URB2: variants seen among roughly 807,000 people sequenced by gnomAD.
URB2 encodes unhealthy ribosome biogenesis protein 2 homolog.
A neutral mutation model predicts 120.9 loss-of-function variants in URB2; 86 were observed. The observed-to-expected ratio is 0.71, with a 90% CI of 0.60 to 0.85. The LOEUF (loss-of-function observed/expected upper bound fraction) is 0.85. URB2 is among the 40% of genes least tolerant of loss of function. The probability of loss-of-function intolerance (pLI) is 0.00; values close to 1 mark genes in which losing one functional copy is unlikely to be tolerated. For synonymous variants in URB2, 755 were observed against 758.4 expected (o/e 1.00, Z 0.07); for missense variants, 1,765 against 1,836.5 (o/e 0.96, Z 0.71).
At position 229,637,371 on chromosome 1, in the gene URB2, G is replaced by C. The variant is rs372919968; in HGVS notation, c.2758G>C (p.Val920Leu). 1.2e-6 allele frequency: 2 copies of C among 1,614,132 alleles called. No individual in the cohort carries two copies. The highest frequency in any genetic ancestry group is 2.7e-5 in the African/African-American group (2 of 75,026). The change falls in exon 4 of 10, where the codon GTG becomes CTG. Residue 920 changes from valine (V) to leucine (L), a missense_variant. Coordinates refer to ENST00000258243, the MANE Select transcript of URB2 (RefSeq NM_014777.4). ...ACCCTATCATGTGCATTATTTTCTTGTGTTACTGTCCATGGCCGTCACCAA... is the reference window on the plus strand; with the variant it reads ...ACCCTATCATGTGCATTATTTTCTTCTGTTACTGTCCATGGCCGTCACCAA... Reference protein sequence around the residue: ...LPPYHVHYFLVLLSMAVTKLG... With the variant: ...LPPYHVHYFLLLLSMAVTKLG...
chr1:229,627,670 A>AAAGCTT lies in URB2; in HGVS notation c.39_40insGCTTAA (p.Lys13_Ser14insAlaTer). On this transcript the variant is annotated stop_gained and inframe_insertion, in exon 2 of 10. Coordinates refer to ENST00000258243, the MANE Select transcript of URB2 (RefSeq NM_014777.4). LOFTEE classifies it high-confidence loss of function. ...TTATTCTGGCATTTCCCTTAAGCTT[A>AAAGCTT]AAAGCAAGACAACTTCCTGGGAAGA... The AAAGCTT allele has an allele frequency of 6.2e-7, 1 of 1,613,782 alleles. No homozygotes were observed. Among genetic ancestry groups the AAAGCTT allele is most frequent in the African/African-American group, 1.3e-5 (1 of 75,028 alleles).
In URB2 at chr1:229,635,702, A is replaced by G. The variant is rs151222612; in HGVS notation, c.1089A>G (p.Leu363=). ...WTTELLVVEQ[L]LNSVANNNIY... ...CAGAGCTTTTGGTTGTGGAACAGCT[A>G]CTAAACTCAGTGGCCAACAACAATA... Residue 363 remains leucine (L), a synonymous_variant, in exon 4 of 10, where the codon CTA becomes CTG. Transcript: ENST00000258243. The G allele has an allele frequency of 7.9e-5, 127 of 1,614,078 alleles. 1 individual carries two copies. The South Asian group carries it at 9.2e-4, about 12-fold the overall frequency.
intron 3 of URB2, among the ~76,000 whole-genome samples, chr1:229,634,447 C>T (rs865977051): frequency 2.0e-4 from 31 of 152,128 alleles, no homozygotes; most frequent in Admixed American, 1.8e-3. Flanking sequence ...TCAAGTGATC[C>T]GCCTGCCTCG....
chr1:229,637,590 G>T lies in URB2; in HGVS notation c.2977G>T (p.Ala993Ser). 1.9e-6 allele frequency: 3 copies of T among 1,614,132 alleles called. No individual in the cohort carries two copies. Among genetic ancestry groups the T allele is most frequent in the South Asian group, 1.1e-5 (1 of 91,080 alleles). Residue 993 changes from alanine (A) to serine (S), a missense_variant, in exon 4 of 10, where the codon GCT (alanine) becomes TCT (serine). Ala to Ser is a moderately conservative substitution (Grantham distance 99). Coordinates refer to ENST00000258243, the MANE Select transcript of URB2 (RefSeq NM_014777.4). ...SRFLIEMDDP[A>S]WLEFLQVIGT... The stretch of plus-strand genomic sequence containing the variant: ...GTTCCTTATTGAGATGGATGATCCC[G>T]CTTGGCTGGAATTCCTCCAAGTGAT...
At chr1:229,642,539 C>A (rs1227493934) in intron 4 of URB2, among the ~76,000 whole-genome samples, 3 of 152,152 alleles carry the variant, frequency 2.0e-5, no homozygotes, top group Non-Finnish European at 4.4e-5. Flanking sequence ...GAAAGATGAC[C>A]TGGGGCCAGA....
chr1:229,638,353 AC>A, intron 4 of URB2, 106 bp downstream of exon 4: 1 of 1,321,132 alleles, frequency 7.6e-7, no homozygotes. Context: ...TTCAAAAGGT[AC>A]CACATGTGCG....
Position 229,636,998 on chromosome 1 carries a change from C to T in URB2, c.2385C>T (p.Phe795=), listed in dbSNP as rs770670297. Residue 795 remains phenylalanine (F), a synonymous_variant, in exon 4 of 10, where the codon TTC becomes TTT. Transcript: ENST00000258243. ...CACTGGAAAAAATATCCAAAGCCTTCCTTCATAGCCCTCTCTTTCCAGAGA... is the reference window on the plus strand; with the variant it reads ...CACTGGAAAAAATATCCAAAGCCTTTCTTCATAGCCCTCTCTTTCCAGAGA... The part of the protein sequence containing the change: ...YITLEKISKA[F]LHSPLFPEMQ... 6.2e-7 allele frequency: 1 copy of T among 1,614,102 alleles called. No homozygotes were observed.
chr1:229,633,489 C>G (rs1032929185), intron 3 of URB2, among the ~76,000 whole-genome samples: 1 of 152,108 alleles, frequency 6.6e-6, no homozygotes, highest in Non-Finnish European at 1.5e-5. Flanking sequence ...CAGGAAAAAT[C>G]GATGAGTTGT....
chr1:229,646,464 C>T (rs182313520), intron 6 of URB2, among the ~76,000 whole-genome samples: 1 of 152,188 alleles, frequency 6.6e-6, no homozygotes, highest in African/African-American at 2.4e-5. Flanking sequence ...CTGCAGCCAG[C>T]TTGTAGATGC....
intron 3 of URB2, 53 bp from the exon 4 acceptor site, chr1:229,634,864 G>A: frequency 2.8e-6 from 4 of 1,415,876 alleles, no homozygotes; most frequent in Non-Finnish European, 2.8e-6. Context: ...CTTTTCTTGT[G>A]TATGTATGGG....
intron 1 of URB2, among the ~76,000 whole-genome samples, 161 bp from the exon 2 acceptor site, chr1:229,627,460 T>A (rs929022070): frequency 6.6e-6 from 1 of 152,234 alleles, no homozygotes; most frequent in African/African-American, 2.4e-5. Flanking sequence ...AAGCATCTTG[T>A]ATGTAGATTT....
At position 229,636,893 on chromosome 1, in the gene URB2, A is replaced by G; in HGVS notation, c.2280A>G (p.Gly760=). The change falls in exon 4 of 10, where the codon GGA becomes GGG. Residue 760 remains glycine, a synonymous_variant. Transcript: ENST00000258243. ...LISYLCPDDV[G]YLASVLLRTL... is the part of the protein sequence containing the mutation. The stretch of plus-strand genomic sequence containing the variant: ...CCTATCTGTGTCCAGATGATGTGGG[A>G]TACCTGGCCAGTGTCCTGCTGAGAA... 1 of 1,611,302 alleles carries G rather than the reference A, an allele frequency of 6.2e-7. No homozygotes were observed. Among genetic ancestry groups the G allele is most frequent in the Non-Finnish European group, 8.5e-7 (1 of 1,178,274 alleles).
chr1:229,627,646 T>C lies in URB2; in HGVS notation c.13T>C (p.Tyr5His). 1 of 1,612,682 alleles carries C rather than the reference T, an allele frequency of 6.2e-7. No individual in the cohort carries two copies. Among genetic ancestry groups the C allele is most frequent in the Non-Finnish European group, 8.5e-7 (1 of 1,179,466 alleles). MAAV[Y>H]SGISLKLKSK... ...ATAAAGCCTAGCCATGGCTGCTGTT[T>C]ATTCTGGCATTTCCCTTAAGCTTAA... is the stretch of plus-strand genomic sequence containing the variant. Residue 5 changes from tyrosine (Y) to histidine (H), a missense_variant, in exon 2 of 10, where the codon TAT (tyrosine) becomes CAT (histidine). Transcript: ENST00000258243.
rs1282485626 is a variant in URB2 at position 229,636,034 on chromosome 1, TG to T, written c.1426del (p.Val476Ter). ...GTGCCACGGTTGTTTGAAGAGGTTTTGGGGGTGATCTGTCGTCCAGCTGCTG... is the reference window on the plus strand; with the variant it reads ...GTGCCACGGTTGTTTGAAGAGGTTTTGGGGTGATCTGTCGTCCAGCTGCTG... ...RQVPRLFEEV[L>X]GVICRPAAEA... On this transcript the variant is annotated frameshift_variant, in exon 4 of 10. Transcript: ENST00000258243. LOFTEE classifies it high-confidence loss of function. 6.2e-7 allele frequency: 1 copy of T among 1,614,072 alleles called. No individual in the cohort carries two copies. The highest frequency in any genetic ancestry group is 8.5e-7 in the Non-Finnish European group (1 of 1,179,948).
chr1:229,655,005 A>G (rs1440264302), intron 9 of URB2, among the ~76,000 whole-genome samples: 1 of 152,202 alleles, frequency 6.6e-6, no homozygotes, highest in Non-Finnish European at 1.5e-5. Flanking sequence ...GAGACTAGAA[A>G]GAGGAGTTCT....
intron 1 of URB2, among the ~76,000 whole-genome samples, chr1:229,627,336 C>A (rs899961332): frequency 3.9e-5 from 6 of 152,192 alleles, no homozygotes; most frequent in African/African-American, 1.4e-4. Context: ...TGAACACTCA[C>A]CTTTGTGGAA....
rs778815468 is a variant in URB2 at position 229,632,332 on chromosome 1, G to A, written c.190G>A (p.Glu64Lys). ...TTATAAGAAAAAGCTTGAACTGAAG[G>A]AAGATATTGTTGAAAGGCTTTGGAT... ...AFYKKKLELKEDIVERLWIYI... is the reference protein window; with the variant it reads ...AFYKKKLELKKDIVERLWIYI... The change falls in exon 3 of 10, where the codon GAA becomes AAA. Residue 64 changes from glutamate to lysine, a missense_variant. By Grantham distance (56) the Glu-to-Lys change is moderately conservative (BLOSUM62 1). Transcript: ENST00000258243. 2 of 1,595,338 alleles carry A rather than the reference G, an allele frequency of 1.3e-6. No individual in the cohort carries two copies. Among genetic ancestry groups the A allele is most frequent in the Non-Finnish European group, 1.7e-6 (2 of 1,174,368 alleles).
At chr1:229,658,847 A>T (rs1168223587) in intron 9 of URB2, among the ~76,000 whole-genome samples, 1 of 152,220 alleles carries the variant, frequency 6.6e-6, no homozygotes, top group African/African-American at 2.4e-5. Context: ...TTTTGCTTTC[A>T]TGGAGTTTTA....
chr1:229,634,078 CCGACT>C (rs1220769288), intron 3 of URB2, among the ~76,000 whole-genome samples: 1 of 151,414 alleles, frequency 6.6e-6, no homozygotes, highest in East Asian at 2.0e-4. Flanking sequence ...GTGATCCGCC[CCGACT>C]CAGCCTCCCA....
Sources: allele counts gnomAD v4.1 joint callset (sites outside exome capture counted in the v4.1 genomes callset), GRCh38; gene constraint gnomAD v4.1.1; transcripts MANE v1.5; gene names NCBI Gene and HGNC (gene_info 2026-07-23, HGNC 2026-07-21).